Variants in ADGRL3 observed in about 807,000 individuals in gnomAD.
ADGRL3 encodes the protein adhesion G protein-coupled receptor L3, also known as calcium-independent alpha-latrotoxin receptor 3.
In ADGRL3, 62 loss-of-function variants were observed where a neutral mutation model predicts 153.5. That is an observed-to-expected ratio of 0.40 (90% CI 0.33 to 0.50). ADGRL3 has a LOEUF of 0.50. Ranked by LOEUF, ADGRL3 falls within the 20% of genes least tolerant of loss-of-function variation. The probability of loss-of-function intolerance (pLI) is 0.47; values close to 1 mark genes in which losing one functional copy is unlikely to be tolerated. For synonymous variants in ADGRL3, 710 were observed against 672.5 expected, an observed-to-expected ratio of 1.06 and a Z score of -0.86; for missense variants, 1,641 against 1,859.4, an observed-to-expected ratio of 0.88 and a Z score of 2.16.
chr4:61,453,480 G>T (rs1343002375), intron 2 of ADGRL3, among the ~76,000 whole-genome samples: 6 of 152,078 alleles, frequency 3.9e-5, no homozygotes, highest in Non-Finnish European at 7.4e-5. Flanking sequence ...ACCTCCTGTA[G>T]ATAGCTGGGA....
intron 8 of ADGRL3, among the ~76,000 whole-genome samples, chr4:61,754,769 C>T (rs2096801042): frequency 1.3e-5 from 2 of 152,280 alleles, no homozygotes; most frequent in Middle Eastern, 3.4e-3. Context: ...TCCTTCCCCC[C>T]TCCCCCCACA....
intron 2 of ADGRL3, among the ~76,000 whole-genome samples, chr4:61,402,222 C>T (rs1002981625): frequency 3.3e-5 from 5 of 151,914 alleles, no homozygotes; most frequent in East Asian, 1.9e-4. Flanking sequence ...GCTAAAGCCT[C>T]GTCTATTGGA....
intron 5 of ADGRL3, among the ~76,000 whole-genome samples, chr4:61,620,862 A>G (rs931730360): frequency 2.0e-5 from 3 of 151,730 alleles, no homozygotes; most frequent in South Asian, 2.1e-4. Context: ...GATGGTCTCC[A>G]TCTCCTGACC....
At chr4:61,250,750 A>G (rs538408035) in intron 1 of ADGRL3, among the ~76,000 whole-genome samples, 2 of 152,334 alleles carry the variant, frequency 1.3e-5, no homozygotes, top group South Asian at 4.1e-4. Flanking sequence ...GAAGTTACAA[A>G]TAACTCCAGG....
At chr4:61,966,273 G>A (rs930551598) in intron 17 of ADGRL3, among the ~76,000 whole-genome samples, 4 of 152,024 alleles carry the variant, frequency 2.6e-5, no homozygotes, top group African/African-American at 9.7e-5. Context: ...AAATTTTATT[G>A]AATATTTCTT....
intron 1 of ADGRL3, among the ~76,000 whole-genome samples, chr4:61,226,043 C>G (rs1489384009): frequency 1.3e-5 from 2 of 152,158 alleles, no homozygotes; most frequent in African/African-American, 4.8e-5. Context: ...ATCTTTGTCT[C>G]CCCCAAAATT....
intron 1 of ADGRL3, among the ~76,000 whole-genome samples, chr4:61,297,210 GATA>G (rs2094438744): frequency 6.6e-6 from 1 of 152,140 alleles, no homozygotes. Flanking sequence ...TTTTAAAATA[GATA>G]ATTCTGATCT....
chr4:61,483,405 A>G (rs1425542940), intron 2 of ADGRL3, among the ~76,000 whole-genome samples: 1 of 152,220 alleles, frequency 6.6e-6, no homozygotes, highest in East Asian at 1.9e-4. Context: ...ATAGCACTCA[A>G]TTATGCATTC....
chr4:61,582,109 C>T (rs1336613368), intron 4 of ADGRL3, among the ~76,000 whole-genome samples: 1 of 151,886 alleles, frequency 6.6e-6, no homozygotes, highest in African/African-American at 2.4e-5. Context: ...AGCAAACAGA[C>T]AAATAGGGCA....
At chr4:61,742,142 A>G (rs1459056469) in intron 8 of ADGRL3, among the ~76,000 whole-genome samples, 3 of 152,172 alleles carry the variant, frequency 2.0e-5, no homozygotes, top group East Asian at 1.9e-4. Context: ...TAAGAATCCA[A>G]TGCTTCTACC....
chr4:61,530,628 C>A (rs367687689), intron 4 of ADGRL3, among the ~76,000 whole-genome samples: 32 of 152,102 alleles, frequency 2.1e-4, no homozygotes, highest in Non-Finnish European at 7.4e-5. Context: ...TCCCTGCACC[C>A]CAGCTTAGAT....
chr4:61,502,724 T>C (rs545457367), intron 3 of ADGRL3, among the ~76,000 whole-genome samples: 1 of 152,246 alleles, frequency 6.6e-6, no homozygotes, highest in East Asian at 1.9e-4. Context: ...TAGTCATATA[T>C]TTTGTAACTT....
chr4:61,705,760 C>T (rs2095847291), intron 6 of ADGRL3, among the ~76,000 whole-genome samples: 1 of 152,050 alleles, frequency 6.6e-6, no homozygotes, highest in Non-Finnish European at 1.5e-5. Context: ...TCCTTGGCCA[C>T]CCAAGGGGGC....
At chr4:61,828,281 C>T (rs887101813) in intron 9 of ADGRL3, among the ~76,000 whole-genome samples, 1 of 152,024 alleles carries the variant, frequency 6.6e-6, no homozygotes, top group Non-Finnish European at 1.5e-5. Flanking sequence ...ATAAAACCAT[C>T]CTAAGACACA....
At chr4:61,515,320 A>G (rs566112609) in intron 3 of ADGRL3, among the ~76,000 whole-genome samples, 1 of 152,340 alleles carries the variant, frequency 6.6e-6, no homozygotes, top group South Asian at 2.1e-4. Flanking sequence ...TTTAAATCTC[A>G]CTGAAATCCC....
chr4:61,374,435 A>T (rs1337963668), intron 1 of ADGRL3, among the ~76,000 whole-genome samples: 1 of 151,984 alleles, frequency 6.6e-6, no homozygotes, highest in Non-Finnish European at 1.5e-5. Context: ...TTTCACAAAC[A>T]TGTTTTCTGA....
At chr4:61,421,066 T>A in intron 2 of ADGRL3, among the ~76,000 whole-genome samples, 1 of 152,184 alleles carries the variant, frequency 6.6e-6, no homozygotes, top group African/African-American at 2.4e-5. Context: ...ATCCCAGCAC[T>A]TTGGGAGGCC....
At chr4:61,939,118 GAAA>G (rs1410164795) in intron 15 of ADGRL3, among the ~76,000 whole-genome samples, 1 of 152,046 alleles carries the variant, frequency 6.6e-6, no homozygotes, top group Admixed American at 6.5e-5. Context: ...TGTCATAAAG[GAAA>G]AAATAAGGTG....
intron 1 of ADGRL3, among the ~76,000 whole-genome samples, chr4:61,351,051 C>T (rs1227436115): frequency 6.6e-6 from 1 of 152,128 alleles, no homozygotes; most frequent in Non-Finnish European, 1.5e-5. Flanking sequence ...TTTGAATACA[C>T]AGGAAAAGTT....
Sources: gnomAD v4.1 joint callset for allele counts (sites outside exome capture counted in the v4.1 genomes callset) on GRCh38, gnomAD v4.1.1 for gene constraint, MANE v1.5 for transcripts, NCBI Gene and HGNC (gene_info 2026-07-23, HGNC 2026-07-21) for gene names.